Variants in MMP16 observed in about 807,000 individuals in gnomAD.
MMP16 encodes matrix metallopeptidase 16.
A neutral mutation model predicts 67.8 loss-of-function variants in MMP16; 12 were observed. The ratio of observed to expected loss-of-function variants is 0.18; its 90% CI spans 0.11 to 0.29. MMP16 has a LOEUF of 0.29. Ranked by LOEUF, MMP16 falls within the 10% of genes least tolerant of loss-of-function variation. The probability of loss-of-function intolerance (pLI) is 1.00; values close to 1 mark genes in which losing one functional copy is unlikely to be tolerated. For missense variants in MMP16, 475 were observed against 765.7 expected, an observed-to-expected ratio of 0.62 and a Z score of 4.48; for synonymous variants, 249 against 255.9, an observed-to-expected ratio of 0.97 and a Z score of 0.26.
chr8:88,215,048 G>A lies in MMP16; in HGVS notation c.133-17742C>T, dbSNP rs543991093. Among the ~76,000 whole-genome samples, 42 of 152,320 alleles carry A rather than the reference G, an allele frequency of 2.8e-4. 1 individual carries two copies. The South Asian group carries it at 8.7e-3, about 32-fold the overall frequency. ...ATTTAAATTAAGAAGTGGCAACTGA[G>A]GCTGGGCGCTGTGGCTCACGCCTGT... is the stretch of plus-strand genomic sequence containing the variant. On this transcript the variant is annotated intron_variant, in intron 1 of 9. Transcript: ENST00000286614.
At chr8:88,175,384 ATTAAT>A (rs1235687012) in intron 3 of MMP16, among the ~76,000 whole-genome samples, 2 of 152,192 alleles carry the variant, frequency 1.3e-5, no homozygotes, top group Non-Finnish European at 2.9e-5. Flanking sequence ...GATTTTACTT[ATTAAT>A]TTATTTTCTC....
At chr8:88,224,248 T>C (rs532079510) in intron 1 of MMP16, among the ~76,000 whole-genome samples, 1 of 152,138 alleles carries the variant, frequency 6.6e-6, no homozygotes, top group East Asian at 1.9e-4. Context: ...TAAACAAAGT[T>C]CCAGTTTAAT....
chr8:88,311,251 A>C (rs954743702), intron 1 of MMP16, among the ~76,000 whole-genome samples: 1 of 152,260 alleles, frequency 6.6e-6, no homozygotes, highest in African/African-American at 2.4e-5. Flanking sequence ...GTGGATTTTG[A>C]TATATCCAGG....
At position 88,076,444 on chromosome 8, in the gene MMP16, C is replaced by T. The variant is rs567547250; in HGVS notation, c.1084-1701G>A. The stretch of plus-strand genomic sequence containing the variant: ...GTTTCCTCTTTGGATGTCAGCTATA[C>T]TACAGTCCCAGCCACGTATCTCATT... On this transcript the variant is annotated intron_variant, in intron 6 of 9. Coordinates refer to ENST00000286614, the MANE Select transcript of MMP16 (RefSeq NM_005941.5). 5.3e-5 allele frequency among the ~76,000 whole-genome samples: 8 copies of T among 152,212 alleles called. No homozygotes were observed. The East Asian group carries it at 1.4e-3, about 26-fold the overall frequency.
At chr8:88,245,529 G>T (rs892146928) in intron 1 of MMP16, among the ~76,000 whole-genome samples, 13 of 152,136 alleles carry the variant, frequency 8.5e-5, no homozygotes, top group Non-Finnish European at 1.8e-4. Flanking sequence ...AGAAAAGCTG[G>T]AATACTGTCA....
chr8:88,082,341 C>T (rs1808766020), intron 6 of MMP16, among the ~76,000 whole-genome samples: 1 of 151,984 alleles, frequency 6.6e-6, no homozygotes, highest in Non-Finnish European at 1.5e-5. Context: ...TGGCATGATG[C>T]CTGTGGAAAT....
intron 1 of MMP16, among the ~76,000 whole-genome samples, chr8:88,308,308 T>C (rs902403193): frequency 6.6e-6 from 1 of 152,010 alleles, no homozygotes; most frequent in African/African-American, 2.4e-5. Flanking sequence ...ATTATGAGGC[T>C]AAGACGTAGG....
At chr8:88,095,776 G>A (rs1809015976) in intron 6 of MMP16, among the ~76,000 whole-genome samples, 1 of 151,806 alleles carries the variant, frequency 6.6e-6, no homozygotes, top group African/African-American at 2.4e-5. Flanking sequence ...CAAGTTATTT[G>A]CTGAGCATTC....
At chr8:88,243,855 G>T (rs1209314064) in intron 1 of MMP16, among the ~76,000 whole-genome samples, 1 of 152,170 alleles carries the variant, frequency 6.6e-6, no homozygotes, top group Admixed American at 6.6e-5. Context: ...CGGGTTGCCA[G>T]TCGAAGATAT....
At chr8:88,210,547 A>G (rs1352428830) in intron 1 of MMP16, among the ~76,000 whole-genome samples, 2 of 152,112 alleles carry the variant, frequency 1.3e-5, no homozygotes, top group Non-Finnish European at 2.9e-5. Flanking sequence ...TCCCCCATAT[A>G]CACACACAGC....
chr8:88,214,443 C>A (rs1809557218), intron 1 of MMP16, among the ~76,000 whole-genome samples: 1 of 152,178 alleles, frequency 6.6e-6, no homozygotes, highest in Non-Finnish European at 1.5e-5. Flanking sequence ...AACCAAGACT[C>A]ATCTCTATCT....
intron 4 of MMP16, among the ~76,000 whole-genome samples, chr8:88,125,094 A>AGT (rs1474305595): frequency 1.3e-5 from 2 of 151,820 alleles, no homozygotes; most frequent in Non-Finnish European, 2.9e-5. Flanking sequence ...AACACAATTC[A>AGT]GTCCATAAAA....
intron 1 of MMP16, among the ~76,000 whole-genome samples, chr8:88,216,938 T>G (rs1355628721): frequency 1.3e-5 from 2 of 152,090 alleles, no homozygotes; most frequent in Non-Finnish European, 2.9e-5. Flanking sequence ...CTTCAAATTA[T>G]TTACTTTTAT....
At chr8:88,151,307 G>C (rs1488837432) in intron 4 of MMP16, among the ~76,000 whole-genome samples, 1 of 148,730 alleles carries the variant, frequency 6.7e-6, no homozygotes, top group Admixed American at 6.7e-5. Context: ...AGATCAACCA[G>C]ACAGAAAGTC....
At chr8:88,187,865 A>C (rs550823594) in intron 2 of MMP16, among the ~76,000 whole-genome samples, 43 of 152,334 alleles carry the variant, frequency 2.8e-4, no homozygotes, top group African/African-American at 8.9e-4. Flanking sequence ...GTTTAAATGC[A>C]TTGTAGAGTT....
chr8:88,318,976 C>T (rs1268092181), intron 1 of MMP16, among the ~76,000 whole-genome samples: 1 of 152,120 alleles, frequency 6.6e-6, no homozygotes, highest in Non-Finnish European at 1.5e-5. Context: ...GTTATTCCTA[C>T]TTATAAAGGA....
intron 5 of MMP16, among the ~76,000 whole-genome samples, chr8:88,116,983 C>A (rs1809448477): frequency 6.6e-6 from 1 of 152,020 alleles, no homozygotes; most frequent in East Asian, 1.9e-4. Flanking sequence ...TTTTTCATAG[C>A]TTCACCACAG....
chr8:88,182,205 A>G (rs1808991727), intron 3 of MMP16, among the ~76,000 whole-genome samples: 2 of 152,128 alleles, frequency 1.3e-5, no homozygotes, highest in South Asian at 4.1e-4. Context: ...TTTTAAAGAG[A>G]ATAAAAAGAC....
chr8:88,143,235 A>T (rs1808240565), intron 4 of MMP16, among the ~76,000 whole-genome samples: 1 of 152,132 alleles, frequency 6.6e-6, no homozygotes, highest in South Asian at 2.1e-4. Flanking sequence ...TATTTAGGAA[A>T]ATGAAGTAAA....
Sources: allele counts gnomAD v4.1 joint callset (sites outside exome capture counted in the v4.1 genomes callset), GRCh38; gene constraint gnomAD v4.1.1; transcripts MANE v1.5; gene names NCBI Gene and HGNC (gene_info 2026-07-23, HGNC 2026-07-21).